Variants in ZEB2 observed in about 807,000 individuals in gnomAD.
ZEB2 encodes the protein zinc finger E-box binding homeobox 2, also known as zinc finger E-box-binding homeobox 2.
ZEB2 carries 6 observed loss-of-function variants against 99.9 expected under a neutral mutation model. The ratio of observed to expected loss-of-function variants is 0.06; its 90% confidence interval spans 0.03 to 0.12. The LOEUF (loss-of-function observed/expected upper bound fraction) is 0.12, where lower values mean the gene tolerates loss of function less well. Among genes scored for constraint, ZEB2 ranks in the 10% least tolerant of loss-of-function variants. The probability of loss-of-function intolerance (pLI) is 1.00; values close to 1 mark genes in which losing one functional copy is unlikely to be tolerated. For missense variants in ZEB2, 969 were observed against 1,502.8 expected (o/e 0.64, Z 5.87); for synonymous variants, 517 against 542.5 (o/e 0.95, Z 0.65).
At chr2:144,424,928 T>C in intron 3 of ZEB2, 61 bp from the exon 4 acceptor site, 1 of 1,544,706 alleles carries the variant, frequency 6.5e-7, no homozygotes, top group Non-Finnish European at 8.9e-7. Context: ...ATACTAAGCA[T>C]GCCAAGCACA....
chr2:144,484,171 C>T (rs1310929162), intron 2 of ZEB2, among the ~76,000 whole-genome samples: 1 of 48,414 alleles, frequency 2.1e-5, no homozygotes, highest in Non-Finnish European at 5.8e-5. Flanking sequence ...TCCAGGGGAG[C>T]TGGAAATCTG....
At position 144,399,952 on chromosome 2, in the gene ZEB2, G is replaced by A; in HGVS notation, c.1235C>T (p.Thr412Ile). 6.2e-7 allele frequency: 1 copy of A among 1,614,202 alleles called. No individual in the cohort carries two copies. Among genetic ancestry groups the A allele is most frequent in the Non-Finnish European group, 8.5e-7 (1 of 1,180,032 alleles). Reference sequence around the variant, plus strand: ...AAGCCCACCATTCATAAAGGGACTAGTGCCACTAAACCCGTGTGTAGCCAT... The same window carrying A: ...AAGCCCACCATTCATAAAGGGACTAATGCCACTAAACCCGTGTGTAGCCAT... ...VLMATHGFSG[T>I]SPFMNGGLGA... Residue 412 changes from threonine to isoleucine, a missense_variant, in exon 8 of 10, where the codon ACT becomes ATT. Coordinates refer to ENST00000627532, the MANE Select transcript of ZEB2 (RefSeq NM_014795.4). This position sits in a 1 kb window ranked among gnomAD's most constrained non-coding sequence, Gnocchi z 5.6.
intron 2 of ZEB2, among the ~76,000 whole-genome samples, chr2:144,454,569 G>T (rs1423257503): frequency 1.3e-5 from 2 of 152,146 alleles, no homozygotes; most frequent in Non-Finnish European, 2.9e-5. Flanking sequence ...TAAATCTCTT[G>T]CTTTGAATGC....
chr2:144,511,270 A>T (rs1705033686), intron 2 of ZEB2: 1 of 516,320 alleles, frequency 1.9e-6, no homozygotes, highest in East Asian at 8.6e-5. Flanking sequence ...GAGAGAACGG[A>T]AAGAAGAGAA....
chr2:144,398,892 A>G lies in ZEB2; in HGVS notation c.2295T>C (p.His765=), dbSNP rs1703267484. ...DPPLRLTKPS[H]FTNIKPVEKL... is the part of the protein sequence containing the mutation. ...TTTCAACTGGTTTAATATTGGTAAA[A>G]TGGGAAGGTTTTGTTAGCCTGAGAG... Residue 765 remains histidine (H), a synonymous_variant, in exon 8 of 10, where the codon CAT becomes CAC. Coordinates refer to ENST00000627532, the MANE Select transcript of ZEB2 (RefSeq NM_014795.4). The G allele has an allele frequency of 6.2e-7, 1 of 1,614,040 alleles. No homozygotes were observed. Among genetic ancestry groups the G allele is most frequent in the Non-Finnish European group, 8.5e-7 (1 of 1,180,036 alleles).
At chr2:144,485,189 A>G (rs1413247429) in intron 2 of ZEB2, among the ~76,000 whole-genome samples, 1 of 152,214 alleles carries the variant, frequency 6.6e-6, no homozygotes, top group African/African-American at 2.4e-5. Flanking sequence ...CCAATGGGAA[A>G]AGTCTGTGGA....
At chr2:144,519,167 A>G (rs1047545628) in intron 1 of ZEB2, among the ~76,000 whole-genome samples, 4 of 152,212 alleles carry the variant, frequency 2.6e-5, no homozygotes, top group Non-Finnish European at 4.4e-5. Context: ...CTTTGCCACT[A>G]AAAATACAAT....
intron 4 of ZEB2, among the ~76,000 whole-genome samples, chr2:144,417,220 GTCA>G (rs1175558096): frequency 2.0e-5 from 3 of 151,898 alleles, no homozygotes; most frequent in African/African-American, 7.3e-5. Context: ...TTCTCTTCTT[GTCA>G]TTATGATTTT....
At chr2:144,486,410 T>A (rs1704598618) in intron 2 of ZEB2, among the ~76,000 whole-genome samples, 1 of 151,896 alleles carries the variant, frequency 6.6e-6, no homozygotes, top group Non-Finnish European at 1.5e-5. Flanking sequence ...TGTACTTAAC[T>A]GTATTTTCAT....
In ZEB2 at chr2:144,517,535, G is replaced by A. The variant is rs550311327; in HGVS notation, c.-69-116C>T. On this transcript the variant is annotated intron_variant, in intron 1 of 9. Transcript: ENST00000627532. ...CGAGCACCCATCCGCGCCCCCCAAC[G>A]CCAAAGCGAAACTTCGGCGGCCCCC... 7.0e-5 allele frequency: 49 copies of A among 699,572 alleles called. No homozygotes were observed. In the African/African-American group the frequency reaches 8.1e-4, roughly 12 times the overall value. The allele number at this position is 699,572 out of a possible 1,614,324, so 43.3% of individuals were successfully genotyped here.
rs1437414345 is a variant in ZEB2 at position 144,403,972 on chromosome 2, C to T, written c.751G>A (p.Ala251Thr). 1 of 1,614,160 alleles carries T rather than the reference C, an allele frequency of 6.2e-7. No individual in the cohort carries two copies. Among genetic ancestry groups the T allele is most frequent in the Admixed American group, 1.7e-5 (1 of 60,024 alleles). Residue 251 changes from alanine to threonine, a missense_variant, in exon 6 of 10, where the codon GCC (alanine) becomes ACC (threonine). By Grantham distance (58) the Ala-to-Thr change is moderately conservative. Transcript: ENST00000627532. ...FSCPLCSYTF[A>T]YRTQLERHMV... ...TGCCGCTCGAGCTGGGTGCGGTAGG[C>T]AAACGTGTAGCTACAGAGAGGGCAG...
chr2:144,390,888 T>C (rs1250292050), intron 9 of ZEB2, among the ~76,000 whole-genome samples: 1 of 152,142 alleles, frequency 6.6e-6, no homozygotes, highest in Non-Finnish European at 1.5e-5. Flanking sequence ...ACACCTTCCA[T>C]AGCTGCCATA....
intron 2 of ZEB2, among the ~76,000 whole-genome samples, chr2:144,491,199 T>C (rs1380231984): frequency 1.3e-5 from 2 of 152,266 alleles, no homozygotes; most frequent in African/African-American, 2.4e-5. Flanking sequence ...CAGTTGAGCC[T>C]AGCAGCAGCT....
chr2:144,401,417 T>G (rs1247654484), intron 6 of ZEB2, 110 bp from the exon 7 acceptor site: 1 of 951,666 alleles, frequency 1.1e-6, no homozygotes, highest in Non-Finnish European at 1.7e-6. Context: ...AAGGTTTGAG[T>G]GCATGCTTAT....
chr2:144,408,371 A>G (rs1352900635), intron 4 of ZEB2, among the ~76,000 whole-genome samples: 1 of 152,246 alleles, frequency 6.6e-6, no homozygotes, highest in African/African-American at 2.4e-5. Context: ...AGGCAACTGT[A>G]GAATAATTAT....
intron 2 of ZEB2, among the ~76,000 whole-genome samples, chr2:144,475,733 T>A (rs1560640322): frequency 1.3e-5 from 2 of 152,188 alleles, no homozygotes; most frequent in South Asian, 2.1e-4. Flanking sequence ...GATTAGCATA[T>A]GAAAAATGCT....
chr2:144,394,100 T>C (rs1299968647), intron 9 of ZEB2, among the ~76,000 whole-genome samples: 1 of 152,120 alleles, frequency 6.6e-6, no homozygotes, highest in Non-Finnish European at 1.5e-5. Flanking sequence ...TTTGTATTTT[T>C]AGTAGAGACG....
chr2:144,448,454 C>T (rs1310085468), intron 2 of ZEB2, among the ~76,000 whole-genome samples: 1 of 152,156 alleles, frequency 6.6e-6, no homozygotes, highest in Non-Finnish European at 1.5e-5. Flanking sequence ...ATTGAGTTTT[C>T]CACTTTTCAT....
At chr2:144,413,358 C>T (rs1703490722) in intron 4 of ZEB2, among the ~76,000 whole-genome samples, 1 of 152,194 alleles carries the variant, frequency 6.6e-6, no homozygotes, top group South Asian at 2.1e-4. Flanking sequence ...TGTGGGAACA[C>T]TTGCTGTGAA....
Sources: allele counts gnomAD v4.1 joint callset (sites outside exome capture counted in the v4.1 genomes callset), GRCh38; gene constraint gnomAD v4.1.1; non-coding constraint Gnocchi (gnomAD v3.1); transcripts MANE v1.5; gene names NCBI Gene and HGNC (gene_info 2026-07-23, HGNC 2026-07-21).